GALNT18: variants seen among roughly 807,000 people sequenced by gnomAD.
GALNT18 encodes the protein GalNAc-transferase 18.
GALNT18 carries 44 observed loss-of-function variants against 69.5 expected under a neutral mutation model. The observed-to-expected ratio is 0.63, with a 90% CI of 0.50 to 0.81. The LOEUF is 0.81. Ranked by LOEUF, GALNT18 falls within the 40% of genes least tolerant of loss-of-function variation. GALNT18 has a pLI of 0.00. For synonymous variants in GALNT18, 364 were observed against 318.2 expected (o/e 1.14, Z -1.53); for missense variants, 715 against 810.0 (o/e 0.88, Z 1.42).
chr11:11,535,704 C>T (rs981471991), intron 1 of GALNT18, among the ~76,000 whole-genome samples: 4 of 152,212 alleles, frequency 2.6e-5, no homozygotes, highest in Admixed American at 1.3e-4. Flanking sequence ...TAGGTTTGCC[C>T]GCCTGCCTAG....
intron 10 of GALNT18, among the ~76,000 whole-genome samples, chr11:11,292,783 C>T (rs942386204): frequency 3.3e-5 from 5 of 151,996 alleles, no homozygotes; most frequent in Non-Finnish European, 7.4e-5. Flanking sequence ...AAAACAACAA[C>T]AATAATAATA....
intron 10 of GALNT18, among the ~76,000 whole-genome samples, chr11:11,291,648 G>A (rs1590013985): frequency 6.6e-6 from 1 of 152,102 alleles, no homozygotes; most frequent in Middle Eastern, 3.4e-3. Context: ...GACTCACAGA[G>A]CTGCCACCTG....
At chr11:11,282,698 G>A (rs1849107507) in intron 10 of GALNT18, among the ~76,000 whole-genome samples, 1 of 152,114 alleles carries the variant, frequency 6.6e-6, no homozygotes, top group Non-Finnish European at 1.5e-5. Flanking sequence ...TTCAAAATTA[G>A]GTCTGCTTCC....
chr11:11,410,985 C>G (rs1309817996), intron 3 of GALNT18, among the ~76,000 whole-genome samples: 1 of 152,132 alleles, frequency 6.6e-6, no homozygotes. Context: ...TCTGTCAATG[C>G]CTCCTGGGTG....
chr11:11,324,919 A>C (rs1304011623), intron 9 of GALNT18, among the ~76,000 whole-genome samples: 1 of 152,264 alleles, frequency 6.6e-6, no homozygotes, highest in East Asian at 1.9e-4. Flanking sequence ...AATATAAATT[A>C]GTACAACCAC....
rs1854325819 is a variant in GALNT18 at position 11,396,305 on chromosome 11, G to C, written c.596-17041C>G. On this transcript the variant is annotated intron_variant, in intron 3 of 10. Coordinates refer to ENST00000227756, the MANE Select transcript of GALNT18 (RefSeq NM_198516.3). This position sits in a 1 kb window ranked among gnomAD's most constrained non-coding sequence, Gnocchi z 5.2. The stretch of plus-strand genomic sequence containing the variant: ...TCTGGCCTGGGATCCACAAGACATG[G>C]ATCAAGAAGGGCAACATTTCGAGAG... 6.6e-6 allele frequency among the ~76,000 whole-genome samples: 1 copy of C among 152,170 alleles called. No homozygotes were observed. Among genetic ancestry groups the C allele is most frequent in the South Asian group, 2.1e-4 (1 of 4,822 alleles).
intron 1 of GALNT18, chr11:11,475,352 T>C (rs1301851379): frequency 6.6e-6 from 1 of 152,218 alleles, no homozygotes; most frequent in African/African-American, 2.4e-5. Flanking sequence ...CAAATCTCCA[T>C]GTGAGTCATT....
chr11:11,425,541 G>A (rs933841741), intron 3 of GALNT18, among the ~76,000 whole-genome samples: 30 of 152,228 alleles, frequency 2.0e-4, no homozygotes, highest in African/African-American at 6.0e-4. Context: ...TGAAAGAAGG[G>A]TATGTGATTT....
chr11:11,526,277 T>C (rs1026801476), intron 1 of GALNT18, among the ~76,000 whole-genome samples: 1 of 152,132 alleles, frequency 6.6e-6, no homozygotes, highest in African/African-American at 2.4e-5. Flanking sequence ...GGCCCGGCCA[T>C]GGATCAAACA....
At chr11:11,379,604 T>G (rs1175180817) in intron 3 of GALNT18, among the ~76,000 whole-genome samples, 2 of 152,226 alleles carry the variant, frequency 1.3e-5, no homozygotes, top group African/African-American at 2.4e-5. Flanking sequence ...ATGCAGCTTG[T>G]GAGTGGCACA....
Position 11,596,652 on chromosome 11 carries a change from A to G in GALNT18, c.235+24707T>C, listed in dbSNP as rs1440724481. Among the ~76,000 whole-genome samples the G allele has an allele frequency of 1.3e-5, 2 of 152,180 alleles. No individual in the cohort carries two copies. Among genetic ancestry groups the G allele is most frequent in the East Asian group, 3.9e-4 (2 of 5,188 alleles). On this transcript the variant is annotated intron_variant, in intron 1 of 10. Coordinates refer to ENST00000227756, the MANE Select transcript of GALNT18 (RefSeq NM_198516.3). This position sits in a 1 kb window ranked among gnomAD's most constrained non-coding sequence, Gnocchi z 4.2. The stretch of plus-strand genomic sequence containing the variant: ...ACATGATTTTTTATAGTTTGTTTTC[A>G]GATCGCCCACTGATAGTGATAGAAA...
chr11:11,609,417 G>A (rs1379385208), intron 1 of GALNT18, among the ~76,000 whole-genome samples: 2 of 152,180 alleles, frequency 1.3e-5, no homozygotes, highest in East Asian at 3.8e-4. Context: ...AGATACACAA[G>A]GCGCACACCT....
intron 1 of GALNT18, among the ~76,000 whole-genome samples, chr11:11,453,471 C>A (rs369609354): frequency 2.0e-5 from 3 of 152,268 alleles, no homozygotes; most frequent in East Asian, 3.9e-4. Flanking sequence ...TGTCTTTACT[C>A]AAAAGTCACT....
At chr11:11,292,836 A>G (rs541853183) in intron 10 of GALNT18, among the ~76,000 whole-genome samples, 193 bp downstream of exon 10, 126 of 152,342 alleles carry the variant, frequency 8.3e-4, no homozygotes, top group African/African-American at 2.7e-3. Context: ...TAGTCAACAC[A>G]TGAGACCCAC....
chr11:11,350,739 A>G (rs1033051521), intron 6 of GALNT18, among the ~76,000 whole-genome samples: 1 of 151,902 alleles, frequency 6.6e-6, no homozygotes, highest in Admixed American at 6.6e-5. Context: ...GTGCACTTCT[A>G]CTCCCCACCC....
chr11:11,407,868 C>T (rs572593074), intron 3 of GALNT18, among the ~76,000 whole-genome samples: 1 of 152,260 alleles, frequency 6.6e-6, no homozygotes, highest in South Asian at 2.1e-4. Flanking sequence ...GGGAGGGAGG[C>T]CAGGGCAGAG....
intron 1 of GALNT18, among the ~76,000 whole-genome samples, chr11:11,486,484 T>C (rs1182397524): frequency 2.0e-5 from 3 of 152,196 alleles, no homozygotes; most frequent in Non-Finnish European, 4.4e-5. Flanking sequence ...TGGGTTTTCT[T>C]CATCTTCTTC....
intron 1 of GALNT18, among the ~76,000 whole-genome samples, chr11:11,565,862 T>C (rs1053251776): frequency 3.3e-5 from 5 of 152,218 alleles, no homozygotes. Context: ...TTTGGAGGTT[T>C]CCAAGAGATG....
In GALNT18 at chr11:11,529,970, G is replaced by A. The variant is rs573710203; in HGVS notation, c.236-81034C>T. Reference sequence around the variant, plus strand: ...CAGAGTCTGGACCTCAGCACTGAAGGGTGCTTGAGCAAGGCAGCTGGAAGA... The same window carrying A: ...CAGAGTCTGGACCTCAGCACTGAAGAGTGCTTGAGCAAGGCAGCTGGAAGA... On this transcript the variant is annotated intron_variant, in intron 1 of 10. Transcript: ENST00000227756. 1.6e-4 allele frequency among the ~76,000 whole-genome samples: 24 copies of A among 152,262 alleles called. No homozygotes were observed. The South Asian group carries it at 5.0e-3, about 32-fold the overall frequency.
Sources: allele counts gnomAD v4.1 joint callset (sites outside exome capture counted in the v4.1 genomes callset), GRCh38; gene constraint gnomAD v4.1.1; non-coding constraint Gnocchi (gnomAD v3.1); transcripts MANE v1.5; gene names NCBI Gene and HGNC (gene_info 2026-07-23, HGNC 2026-07-21).